ENTPD1: variants seen among roughly 807,000 people sequenced by gnomAD.
The protein encoded by ENTPD1 is ATP diphosphohydrolase.
A neutral mutation model predicts 57.0 loss-of-function variants in ENTPD1; 33 were observed. The observed-to-expected ratio is 0.58, with a 90% CI of 0.44 to 0.77. ENTPD1 has a LOEUF of 0.77. Among genes scored for constraint, ENTPD1 ranks in the 30% least tolerant of loss-of-function variants. ENTPD1 has a pLI of 0.00. For synonymous variants in ENTPD1, 202 were observed against 218.8 expected (o/e 0.92, Z 0.68); for missense variants, 501 against 603.4 (o/e 0.83, Z 1.78).
intron 2 of ENTPD1, among the ~76,000 whole-genome samples, chr10:95,828,839 T>C (rs182177163): frequency 6.6e-6 from 1 of 151,792 alleles, no homozygotes; most frequent in East Asian, 1.9e-4. Context: ...GCCTGCTGAG[T>C]AGCTAGGATT....
upstream of ENTPD1, among the ~76,000 whole-genome samples, chr10:95,708,783 C>T (rs139137528): frequency 5.9e-5 from 9 of 152,230 alleles, no homozygotes; most frequent in East Asian, 1.7e-3. Flanking sequence ...CTAAAAAAGG[C>T]ACATTTAAAC....
At chr10:95,718,774 C>T (rs1042615598) in intron 1 of ENTPD1, among the ~76,000 whole-genome samples, 2 of 152,176 alleles carry the variant, frequency 1.3e-5, no homozygotes, top group African/African-American at 4.8e-5. Flanking sequence ...TTTTCGAAGT[C>T]CTTTTTCTAC....
intron 2 of ENTPD1, among the ~76,000 whole-genome samples, chr10:95,832,598 C>CACTG (rs1031776683): frequency 6.6e-6 from 1 of 152,166 alleles, no homozygotes; most frequent in African/African-American, 2.4e-5. Context: ...TTTTGGCACA[C>CACTG]ACTGAGTCTC....
At position 95,800,974 on chromosome 10, in the gene ENTPD1, A is replaced by G. The variant is rs533098646; in HGVS notation, c.17-22263A>G. Among the ~76,000 whole-genome samples, 3 of 152,332 alleles carry G rather than the reference A, an allele frequency of 2.0e-5. No individual in the cohort carries two copies. In the East Asian group the frequency reaches 5.8e-4, roughly 29 times the overall value. ...AGATTAAAGACAGGCATAAGAAATT[A>G]TAAGAGTATTGATTGGGGAAGTGGT... On this transcript the variant is annotated intron_variant, in intron 1 of 9. Coordinates refer to ENST00000371205, the MANE Select transcript of ENTPD1 (RefSeq NM_001776.6).
chr10:95,860,081 CAG>C (rs2140971293), intron 7 of ENTPD1, among the ~76,000 whole-genome samples: 1 of 152,284 alleles, frequency 6.6e-6, no homozygotes, highest in East Asian at 1.9e-4. Flanking sequence ...TTTCGCTACT[CAG>C]AGATAACTCA....
At position 95,876,531 on chromosome 10, in the gene ENTPD1, A is replaced by T; in HGVS notation, c.*10148A>T. The T allele has an allele frequency of 1.6e-6, 2 of 1,231,366 alleles. No homozygotes were observed. The highest frequency in any genetic ancestry group is 2.0e-6 in the Non-Finnish European group (2 of 987,774). 76.3% of individuals were successfully genotyped at this position (1,231,366 alleles called of 1,614,324 possible). ...TTGGATTTTTACCTTTGCAATAGTC[A>T]ACTGAACCATCTTCTTGGAGTACTC... On this transcript the variant is annotated 3_prime_UTR_variant, in exon 10 of 10. Coordinates refer to ENST00000371205, the MANE Select transcript of ENTPD1 (RefSeq NM_001776.6).
chr10:95,768,180 C>T (rs2098098117), intron 1 of ENTPD1, among the ~76,000 whole-genome samples: 1 of 152,194 alleles, frequency 6.6e-6, no homozygotes, highest in South Asian at 2.1e-4. Context: ...GTTTTTTAGC[C>T]TGAATGGTTT....
chr10:95,806,294 G>A (rs756258315), intron 1 of ENTPD1, among the ~76,000 whole-genome samples: 7 of 152,142 alleles, frequency 4.6e-5, no homozygotes, highest in Non-Finnish European at 8.8e-5. Flanking sequence ...GGCTAATGAA[G>A]GTTGTGCATG....
Position 95,866,797 on chromosome 10 carries a change from C to T in ENTPD1, c.*414C>T, listed in dbSNP as rs2098475028. On this transcript the variant is annotated 3_prime_UTR_variant, in exon 10 of 10. Transcript: ENST00000371205. Reference sequence around the variant, plus strand: ...CTGGTTCAGTTGTACTCTTTAAGAACCCCTTTCTCTCTCCTGTTTGCCATC... The same window carrying T: ...CTGGTTCAGTTGTACTCTTTAAGAATCCCTTTCTCTCTCCTGTTTGCCATC... The T allele has an allele frequency of 4.7e-6, 5 of 1,064,370 alleles. No individual in the cohort carries two copies. Among genetic ancestry groups the T allele is most frequent in the African/African-American group, 1.7e-5 (1 of 59,546 alleles). 65.9% of individuals were successfully genotyped at this position (1,064,370 alleles called of 1,614,324 possible).
chr10:95,846,583 T>C (rs2098436083), intron 6 of ENTPD1, among the ~76,000 whole-genome samples: 1 of 152,090 alleles, frequency 6.6e-6, no homozygotes, highest in Admixed American at 6.5e-5. Context: ...ACCAATAAGA[T>C]GGTCCTGGGA....
chr10:95,851,094 G>A (rs561537164), intron 7 of ENTPD1, among the ~76,000 whole-genome samples: 1 of 152,228 alleles, frequency 6.6e-6, no homozygotes, highest in African/African-American at 2.4e-5. Context: ...TACTTATGAG[G>A]TAATTTAGAA....
At chr10:95,788,912 A>G (rs1304949651) in intron 1 of ENTPD1, among the ~76,000 whole-genome samples, 1 of 152,234 alleles carries the variant, frequency 6.6e-6, no homozygotes, top group Non-Finnish European at 1.5e-5. Flanking sequence ...ATTGAGAAGA[A>G]TGGTTAGAAG....
chr10:95,809,836 G>A lies in ENTPD1; in HGVS notation c.17-13401G>A, dbSNP rs554171637. Among the ~76,000 whole-genome samples, 14 of 147,364 alleles carry A rather than the reference G, an allele frequency of 9.5e-5. No homozygotes were observed. The East Asian group carries it at 2.9e-3, about 30-fold the overall frequency. On this transcript the variant is annotated intron_variant, in intron 1 of 9. Coordinates refer to ENST00000371205, the MANE Select transcript of ENTPD1 (RefSeq NM_001776.6). ...CTCCCCACTTCCCAGACGGGGCAGC[G>A]GCCGGGCTGAGATGCTCCTCACTTC...
intron 1 of ENTPD1, among the ~76,000 whole-genome samples, chr10:95,795,229 A>T (rs993209398): frequency 5.3e-5 from 8 of 152,120 alleles, no homozygotes; most frequent in Non-Finnish European, 1.2e-4. Context: ...ACTTGGTACA[A>T]GGCCTCAGGG....
intron 1 of ENTPD1, among the ~76,000 whole-genome samples, chr10:95,737,529 T>G (rs982148538): frequency 1.3e-5 from 2 of 151,950 alleles, no homozygotes; most frequent in Non-Finnish European, 2.9e-5. Context: ...GGATTACAGG[T>G]GGCTGCCACC....
the ENTPD1 span, among the ~76,000 whole-genome samples, chr10:95,704,864 A>G: frequency 0.028 from 4,241 of 151,042 alleles, 182 homozygotes; most frequent in African/African-American, 0.093. Flanking sequence ...AAAATATTAT[A>G]TATATATATG....
At chr10:95,704,717 G>A in the ENTPD1 span, among the ~76,000 whole-genome samples, 1 of 152,082 alleles carries the variant, frequency 6.6e-6, no homozygotes, top group Non-Finnish European at 1.5e-5. Flanking sequence ...TCCTGAGGTA[G>A]GCAAAGGGTT....
At position 95,867,111 on chromosome 10, in the gene ENTPD1, C is replaced by G. The variant is rs1290819238; in HGVS notation, c.*728C>G. 2.0e-6 allele frequency: 2 copies of G among 986,004 alleles called. No individual in the cohort carries two copies. Among genetic ancestry groups the G allele is most frequent in the African/African-American group, 3.5e-5 (2 of 57,200 alleles). 61.1% of individuals were successfully genotyped at this position (986,004 alleles called of 1,614,324 possible). On this transcript the variant is annotated 3_prime_UTR_variant, in exon 10 of 10. Transcript: ENST00000371205. ...AAATATATGCATTCAAACATCAGGG[C>G]TTACTATGAGGTAGGTGGTATATAC...
intron 1 of ENTPD1, among the ~76,000 whole-genome samples, chr10:95,735,541 A>G (rs1476412481): frequency 6.6e-6 from 1 of 152,080 alleles, no homozygotes; most frequent in Non-Finnish European, 1.5e-5. Flanking sequence ...TAGACCTCCA[A>G]TTGGCTTTTA....
Sources: allele counts gnomAD v4.1 joint callset (sites outside exome capture counted in the v4.1 genomes callset), GRCh38; gene constraint gnomAD v4.1.1; transcripts MANE v1.5; gene names NCBI Gene and HGNC (gene_info 2026-07-23, HGNC 2026-07-21).